Variants in KCNQ3 observed in about 807,000 individuals in gnomAD.
The protein encoded by KCNQ3 is potassium voltage-gated channel subfamily KQT member 3.
Under a neutral mutation model 92.5 loss-of-function variants are expected in KCNQ3, and 30 were observed. The observed-to-expected ratio is 0.32, with a 90% CI of 0.24 to 0.44. The LOEUF (loss-of-function observed/expected upper bound fraction) is 0.44. KCNQ3 is among the 20% of genes least tolerant of loss of function. The pLI is 1.00. For missense variants in KCNQ3, 913 were observed against 1,140.3 expected, an observed-to-expected ratio of 0.80 and a Z score of 2.87; for synonymous variants, 450 against 468.8, an observed-to-expected ratio of 0.96 and a Z score of 0.52.
intron 1 of KCNQ3, among the ~76,000 whole-genome samples, chr8:132,223,419 G>A (rs1169133539): frequency 6.6e-6 from 1 of 152,162 alleles, no homozygotes; most frequent in Non-Finnish European, 1.5e-5. Flanking sequence ...AAAACTTGTG[G>A]GAGCCTGTCA....
At chr8:132,452,062 GT>G (rs368666502) in intron 1 of KCNQ3, among the ~76,000 whole-genome samples, 37 of 152,036 alleles carry the variant, frequency 2.4e-4, no homozygotes, top group African/African-American at 8.2e-4. Context: ...TGGGTTTTTC[GT>G]TTGTTTGTCA....
At position 132,161,485 on chromosome 8, in the gene KCNQ3, A is replaced by C. The variant is rs1185946177; in HGVS notation, c.1262+1983T>G. 3.3e-5 allele frequency among the ~76,000 whole-genome samples: 5 copies of C among 152,038 alleles called. No homozygotes were observed. In the East Asian group the frequency reaches 9.7e-4, roughly 29 times the overall value. ...CTCTACTAAAAAAGATACAAAAATT[A>C]GCCGGGTGTGGTGGTGCTCGCCTAT... On this transcript the variant is annotated intron_variant, in intron 9 of 14. Coordinates refer to ENST00000388996, the MANE Select transcript of KCNQ3 (RefSeq NM_004519.4).
chr8:132,424,821 C>T (rs1248783254), intron 1 of KCNQ3, among the ~76,000 whole-genome samples: 1 of 152,212 alleles, frequency 6.6e-6, no homozygotes, highest in Non-Finnish European at 1.5e-5. Flanking sequence ...GTCTTCACAT[C>T]ATCTTATCCC....
intron 1 of KCNQ3, among the ~76,000 whole-genome samples, chr8:132,313,039 G>A (rs980087250): frequency 2.0e-5 from 3 of 152,180 alleles, no homozygotes; most frequent in African/African-American, 4.8e-5. Context: ...CCAGCCGGAC[G>A]TCTGAGAGAA....
chr8:132,196,760 A>G lies in KCNQ3; in HGVS notation c.387-10579T>C, dbSNP rs1174438369. Among the ~76,000 whole-genome samples the G allele has an allele frequency of 3.3e-5, 5 of 152,342 alleles. No homozygotes were observed. In the East Asian group the frequency reaches 9.7e-4, roughly 29 times the overall value. ...TATCATGGGTTCAGACTTTCAGCCA[A>G]TAACCCTGGTGGGAGGGTCTGGAAA... On this transcript the variant is annotated intron_variant, in intron 1 of 14. Coordinates refer to ENST00000388996, the MANE Select transcript of KCNQ3 (RefSeq NM_004519.4).
At chr8:132,407,278 G>C (rs1042012525) in intron 1 of KCNQ3, among the ~76,000 whole-genome samples, 1 of 152,154 alleles carries the variant, frequency 6.6e-6, no homozygotes, top group Admixed American at 6.5e-5. Flanking sequence ...TATTTATTTG[G>C]TCTTTCAGTG....
chr8:132,297,399 G>T (rs1287518418), intron 1 of KCNQ3, among the ~76,000 whole-genome samples: 1 of 152,042 alleles, frequency 6.6e-6, no homozygotes, highest in Non-Finnish European at 1.5e-5. Flanking sequence ...AGTTTAATTA[G>T]ATCCCATTTG....
At chr8:132,286,171 G>C (rs943578907) in intron 1 of KCNQ3, among the ~76,000 whole-genome samples, 1 of 152,162 alleles carries the variant, frequency 6.6e-6, no homozygotes. Flanking sequence ...GCCACTGTCA[G>C]GGCCCCAGAA....
chr8:132,406,325 C>T (rs1164110007), intron 1 of KCNQ3, among the ~76,000 whole-genome samples: 1 of 152,104 alleles, frequency 6.6e-6, no homozygotes, highest in African/African-American at 2.4e-5. Flanking sequence ...GCTGAAGCTA[C>T]GTCCAATCTC....
In KCNQ3 at chr8:132,181,146, A is replaced by T. The variant is rs539904708; in HGVS notation, c.605-817T>A. Reference sequence around the variant, plus strand: ...TGAGAATGTCCACTACAGACATTTCAGAGATGGAAAAAGGGGATGAGACAC... The same window carrying T: ...TGAGAATGTCCACTACAGACATTTCTGAGATGGAAAAAGGGGATGAGACAC... On this transcript the variant is annotated intron_variant, in intron 3 of 14. Transcript: ENST00000388996. Among the ~76,000 whole-genome samples, 43 of 152,338 alleles carry T rather than the reference A, an allele frequency of 2.8e-4. No individual in the cohort carries two copies. In the Middle Eastern group the frequency reaches 0.01, roughly 36 times the overall value.
intron 1 of KCNQ3, among the ~76,000 whole-genome samples, chr8:132,439,673 C>T (rs1465924971): frequency 1.3e-5 from 2 of 152,018 alleles, no homozygotes; most frequent in African/African-American, 2.4e-5. Flanking sequence ...GTGCTGCTGG[C>T]TTTCATGATG....
chr8:132,147,451 C>A (rs1563772259), intron 9 of KCNQ3, among the ~76,000 whole-genome samples: 1 of 152,148 alleles, frequency 6.6e-6, no homozygotes, highest in South Asian at 2.1e-4. Flanking sequence ...TGAGAGGCAT[C>A]GTGTCAAGTA....
chr8:132,326,764 C>T (rs1246349632), intron 1 of KCNQ3, among the ~76,000 whole-genome samples: 1 of 152,210 alleles, frequency 6.6e-6, no homozygotes, highest in Non-Finnish European at 1.5e-5. Flanking sequence ...GGCTTCCAGC[C>T]TCTAGAACCA....
rs935546444 is a variant in KCNQ3 at position 132,357,668 on chromosome 8, A to G, written c.386+122479T>C. Among the ~76,000 whole-genome samples the G allele has an allele frequency of 7.2e-5, 11 of 152,314 alleles. No individual in the cohort carries two copies. In the East Asian group the frequency reaches 2.1e-3, roughly 29 times the overall value. On this transcript the variant is annotated intron_variant, in intron 1 of 14. Coordinates refer to ENST00000388996, the MANE Select transcript of KCNQ3 (RefSeq NM_004519.4). The stretch of plus-strand genomic sequence containing the variant: ...TCACTCCATGTCGTCCAGATCTCCA[A>G]AGTCACAGCCCTGTGTGCCAGTCTC...
intron 1 of KCNQ3, among the ~76,000 whole-genome samples, chr8:132,245,814 A>T (rs1007199571): frequency 6.6e-6 from 1 of 152,230 alleles, no homozygotes; most frequent in South Asian, 2.1e-4. Flanking sequence ...ATCCTTGTAC[A>T]TGCCTTCCTA....
intron 1 of KCNQ3, among the ~76,000 whole-genome samples, chr8:132,236,806 T>A (rs538529154): frequency 2.7e-4 from 41 of 152,298 alleles, no homozygotes; most frequent in African/African-American, 9.9e-4. Flanking sequence ...GTAAGAAATT[T>A]AAAATAAAAG....
chr8:132,142,623 T>C (rs1825331560), intron 9 of KCNQ3, among the ~76,000 whole-genome samples: 1 of 152,142 alleles, frequency 6.6e-6, no homozygotes, highest in Non-Finnish European at 1.5e-5. Flanking sequence ...CAGCTTCTGC[T>C]CCCTTACCCC....
chr8:132,221,110 T>C (rs947861066), intron 1 of KCNQ3, among the ~76,000 whole-genome samples: 4 of 152,208 alleles, frequency 2.6e-5, no homozygotes, highest in South Asian at 2.1e-4. Context: ...AATGATGGTA[T>C]ACAGCTGCAT....
intron 1 of KCNQ3, among the ~76,000 whole-genome samples, chr8:132,412,603 G>T (rs548904454): frequency 4.6e-5 from 7 of 152,188 alleles, no homozygotes; most frequent in Non-Finnish European, 1.0e-4. Context: ...TCCCACATAT[G>T]AGCCCTCAGC....
Sources: gnomAD v4.1 joint callset for allele counts (sites outside exome capture counted in the v4.1 genomes callset) on GRCh38, gnomAD v4.1.1 for gene constraint, MANE v1.5 for transcripts, NCBI Gene and HGNC (gene_info 2026-07-23, HGNC 2026-07-21) for gene names.